The following COL6A2 variants were observed in gnomAD, a reference collection of about 807,000 sequenced individuals.
COL6A2 encodes collagen type VI alpha 2 chain, also known as collagen alpha-2(VI) chain.
In COL6A2, 90 loss-of-function variants were observed where a neutral mutation model predicts 124.9. The observed-to-expected ratio is 0.72, with a 90% confidence interval of 0.61 to 0.86. The LOEUF (loss-of-function observed/expected upper bound fraction) is 0.86. Ranked by LOEUF, COL6A2 falls within the 40% of genes least tolerant of loss-of-function variation. The pLI is 0.00. For synonymous variants in COL6A2, 793 were observed against 618.2 expected, an observed-to-expected ratio of 1.28 and a Z score of -4.19; for missense variants, 1,607 against 1,502.5, an observed-to-expected ratio of 1.07 and a Z score of -1.15.
chr21:46,100,201 G>A (rs990461063), intron 1 of COL6A2, among the ~76,000 whole-genome samples: 5 of 152,036 alleles, frequency 3.3e-5, no homozygotes, highest in South Asian at 2.1e-4. Context: ...TGGCTCAAGC[G>A]AGCCTCCACC....
Position 46,111,496 on chromosome 21 carries a change from C to A in COL6A2, c.20C>A (p.Ser7Tyr). The change falls in exon 2 of 28, where the codon TCC becomes TAC. Residue 7 changes from serine to tyrosine, a missense_variant. By Grantham distance (144) the Ser-to-Tyr change is moderately radical. Coordinates refer to ENST00000300527, the MANE Select transcript of COL6A2 (RefSeq NM_001849.4). MLQGTC[S>Y]VLLLWGILGA... ...GCCAAGATGCTCCAGGGCACCTGCT[C>A]CGTGCTCCTGCTCTGGGGAATCCTG... 6.2e-7 allele frequency: 1 copy of A among 1,612,604 alleles called. No homozygotes were observed. The highest frequency in any genetic ancestry group is 1.1e-5 in the South Asian group (1 of 91,066).
chr21:46,109,271 G>T (rs2078368866), intron 1 of COL6A2, among the ~76,000 whole-genome samples: 1 of 152,194 alleles, frequency 6.6e-6, no homozygotes, highest in Admixed American at 6.5e-5. Flanking sequence ...AGCAGAGAGA[G>T]CACCTCCTCT....
At chr21:46,111,381 C>T in intron 1 of COL6A2, 69 bp from the exon 2 acceptor site, 1 of 874,086 alleles carries the variant, frequency 1.1e-6, no homozygotes, top group Non-Finnish European at 1.9e-6. Flanking sequence ...TGTGCGTGCG[C>T]CTGCCATGGG....
In COL6A2 at chr21:46,125,996, G is replaced by A. The variant is rs111938213; in HGVS notation, c.2181G>A (p.Ala727=). The A allele has an allele frequency of 8.1e-5, 131 of 1,613,062 alleles. No individual in the cohort carries two copies. In the African/African-American group the frequency reaches 1.3e-3, roughly 16 times the overall value. ...ESRRQKTRVF[A]VVITDGRHDP... ...GGCGCCAGAAGACACGTGTGTTTGC[G>A]GTGGTCATCACGGACGGGCGCCACG... is the stretch of plus-strand genomic sequence containing the variant. Residue 727 remains alanine (A), a synonymous_variant, in exon 26 of 28, where the codon GCG becomes GCA. Transcript: ENST00000300527.
At chr21:46,114,288 A>G (rs902180736) in intron 5 of COL6A2, among the ~76,000 whole-genome samples, 145 of 152,080 alleles carry the variant, frequency 9.5e-4, no homozygotes, top group Admixed American at 1.9e-3. Context: ...AGCCGGGCGT[A>G]GTGGCATGCG....
intron 17 of COL6A2, 137 bp downstream of exon 17, chr21:46,121,260 C>G: frequency 1.1e-6 from 1 of 880,304 alleles, no homozygotes; most frequent in Middle Eastern, 3.1e-4. Context: ...AAGCCAGGAC[C>G]TGCTCCCCTA....
At chr21:46,131,842 G>T in intron 27 of COL6A2, 112 bp from the exon 28 acceptor site, 1 of 1,017,270 alleles carries the variant, frequency 9.8e-7, no homozygotes, top group Non-Finnish European at 1.5e-6. Context: ...GAGCCCAGTG[G>T]TCTGTGAGGT....
At chr21:46,122,057 A>G (rs765296502) in intron 18 of COL6A2, 51 bp from the exon 19 acceptor site, 2 of 1,587,716 alleles carry the variant, frequency 1.3e-6, no homozygotes, top group Middle Eastern at 1.7e-4. Context: ...ACAGCCCCCC[A>G]GCCCCACCCC....
chr21:46,122,417 G>T, intron 19 of COL6A2, 79 bp from the exon 20 acceptor site: 1 of 1,580,402 alleles, frequency 6.3e-7, no homozygotes, highest in East Asian at 2.2e-5. Flanking sequence ...GGGAAACGGG[G>T]CTGCAGAAAG....
At position 46,100,266 on chromosome 21, in the gene COL6A2, T is replaced by C. The variant is rs534818149; in HGVS notation, c.-28+2093T>C. ...ATGCACCACTGTGCCCAGCTAATTT[T>C]CTTTTAAGAGACGGGGTCTCACTAT... On this transcript the variant is annotated intron_variant, in intron 1 of 27. Coordinates refer to ENST00000300527, the MANE Select transcript of COL6A2 (RefSeq NM_001849.4). Among the ~76,000 whole-genome samples, 5 of 152,246 alleles carry C rather than the reference T, an allele frequency of 3.3e-5. No homozygotes were observed. The South Asian group carries it at 1.0e-3, about 32-fold the overall frequency.
chr21:46,113,908 C>A, intron 4 of COL6A2, 100 bp from the exon 5 acceptor site: 2 of 975,284 alleles, frequency 2.1e-6, no homozygotes, highest in Non-Finnish European at 3.3e-6. Context: ...ATCTCCTTGG[C>A]CCCTGCTGAG....
chr21:46,111,403 GGGGAGAGGCACTGGGGGT>G, intron 1 of COL6A2, 29 bp from the exon 2 acceptor site: 4 of 1,126,948 alleles, frequency 3.5e-6, no homozygotes, highest in Non-Finnish European at 4.0e-6. Context: ...GAGGGTGCCA[GGGGAGAGGCACTGGGGGT>G]GTCTGAGCGA....
chr21:46,120,931 G>T, intron 16 of COL6A2, 130 bp from the exon 17 acceptor site: 5 of 851,490 alleles, frequency 5.9e-6, no homozygotes, highest in East Asian at 2.6e-5. Context: ...AGCCTCCGGG[G>T]AGGGTCATAG....
At chr21:46,099,889 C>A in intron 1 of COL6A2, among the ~76,000 whole-genome samples, 1 of 91,838 alleles carries the variant, frequency 1.1e-5, no homozygotes, top group Non-Finnish European at 2.1e-5. Context: ...GCAGCACTGT[C>A]TTTTTTTTTT....
chr21:46,124,332 G>A (rs192305798), intron 21 of COL6A2, among the ~76,000 whole-genome samples: 56 of 152,272 alleles, frequency 3.7e-4, no homozygotes, highest in African/African-American at 1.3e-3. Flanking sequence ...TGGGCGTGGA[G>A]TTGGTGGGTA....
chr21:46,125,350 C>T (rs201999357), intron 24 of COL6A2, 39 bp downstream of exon 24: 428 of 1,605,544 alleles, frequency 2.7e-4, no homozygotes, highest in African/African-American at 4.8e-4. Flanking sequence ...GCCCATGCAC[C>T]GGGTGGAGGG....
At chr21:46,099,919 T>G (rs987573375) in intron 1 of COL6A2, among the ~76,000 whole-genome samples, 1 of 147,670 alleles carries the variant, frequency 6.8e-6, no homozygotes, top group African/African-American at 2.5e-5. Flanking sequence ...TTTTCTCATT[T>G]CATAGATAAG....
chr21:46,127,191 T>C (rs557311444), intron 27 of COL6A2, among the ~76,000 whole-genome samples: 1 of 152,150 alleles, frequency 6.6e-6, no homozygotes, highest in African/African-American at 2.4e-5. Flanking sequence ...TCCCCCTCAG[T>C]GAGCCGTCCC....
rs2078581869 is a variant in COL6A2, at chr21:46,122,478, C to G, written c.1573-18C>G. On this transcript the variant is annotated intron_variant, in intron 19 of 27. Transcript: ENST00000300527. ...GGGATCTGAGGCTGAGTCACCCTGG[C>G]TTCTGTTTGCTTCACAGGGAGAAAA... 6.2e-7 allele frequency: 1 copy of G among 1,612,890 alleles called. No homozygotes were observed.
Sources: gnomAD v4.1 joint callset for allele counts (sites outside exome capture counted in the v4.1 genomes callset) on GRCh38, gnomAD v4.1.1 for gene constraint, MANE v1.5 for transcripts, NCBI Gene and HGNC (gene_info 2026-07-23, HGNC 2026-07-21) for gene names.